The following MCC variants were observed in gnomAD, a reference collection of about 807,000 sequenced individuals.
MCC encodes the protein colorectal mutant cancer protein.
A neutral mutation model predicts 116.2 loss-of-function variants in MCC; 90 were observed. The ratio of observed to expected loss-of-function variants is 0.77; its 90% CI spans 0.65 to 0.92. The LOEUF is 0.92. MCC is among the 40% of genes least tolerant of loss of function. The pLI is 0.00. For missense variants in MCC, 1,516 were observed against 1,312.2 expected, an observed-to-expected ratio of 1.16 and a Z score of -2.40; for synonymous variants, 578 against 510.5, an observed-to-expected ratio of 1.13 and a Z score of -1.78.
intron 3 of MCC, among the ~76,000 whole-genome samples, chr5:113,197,468 C>T (rs1011589321): frequency 1.3e-5 from 2 of 152,096 alleles, no homozygotes; most frequent in African/African-American, 4.8e-5. Context: ...CTGGATTGTA[C>T]ATTTGAAGAG....
intron 2 of MCC, among the ~76,000 whole-genome samples, chr5:113,364,307 A>AC (rs1406410671): frequency 6.6e-6 from 1 of 151,246 alleles, no homozygotes; most frequent in Non-Finnish European, 1.5e-5. Context: ...CAAGTCCAAA[A>AC]CCCAGCAGGG....
At chr5:113,467,794 T>G in intron 1 of MCC, among the ~76,000 whole-genome samples, 1 of 152,250 alleles carries the variant, frequency 6.6e-6, no homozygotes, top group Non-Finnish European at 1.5e-5. Context: ...ATTTTCACGA[T>G]ATTGATTCTT....
intron 2 of MCC, among the ~76,000 whole-genome samples, chr5:113,366,244 A>G (rs1179093191): frequency 2.0e-5 from 3 of 151,640 alleles, no homozygotes; most frequent in African/African-American, 4.8e-5. Flanking sequence ...CTTTTTTTCT[A>G]GCTTAGATTT....
chr5:113,458,987 C>A (rs1771660913), intron 1 of MCC, among the ~76,000 whole-genome samples: 1 of 152,102 alleles, frequency 6.6e-6, no homozygotes, highest in Admixed American at 6.5e-5. Flanking sequence ...GACCCTCATC[C>A]TCACATCAAA....
chr5:113,441,381 TAGAGA>T (rs1183700658), intron 1 of MCC, among the ~76,000 whole-genome samples: 1 of 152,082 alleles, frequency 6.6e-6, no homozygotes, highest in African/African-American at 2.4e-5. Context: ...CTCTTTATAG[TAGAGA>T]AAAGAGAATG....
intron 5 of MCC, among the ~76,000 whole-genome samples, chr5:113,128,732 A>T (rs1022876578): frequency 1.1e-4 from 17 of 152,242 alleles, no homozygotes; most frequent in African/African-American, 3.6e-4. Context: ...CCACACAGGA[A>T]AACAGGGAGA....
At chr5:113,382,405 G>A (rs1769147085) in intron 2 of MCC, among the ~76,000 whole-genome samples, 1 of 151,816 alleles carries the variant, frequency 6.6e-6, no homozygotes, top group Non-Finnish European at 1.5e-5. Flanking sequence ...TGAGTAGCTA[G>A]GACAACAGGC....
At chr5:113,400,159 G>A (rs1032646041) in intron 1 of MCC, among the ~76,000 whole-genome samples, 18 of 96,770 alleles carry the variant, frequency 1.9e-4, no homozygotes, top group African/African-American at 7.8e-4. Context: ...GTCTTACTGT[G>A]TCGCCCAGGC....
intron 14 of MCC, among the ~76,000 whole-genome samples, chr5:113,054,172 G>T (rs77198715): frequency 6.6e-6 from 1 of 152,128 alleles, no homozygotes; most frequent in African/African-American, 2.4e-5. Context: ...ACTCCTTGAC[G>T]CAACACTGTG....
At chr5:113,267,453 G>A (rs922282960) in intron 3 of MCC, among the ~76,000 whole-genome samples, 11 of 151,982 alleles carry the variant, frequency 7.2e-5, no homozygotes, top group Non-Finnish European at 1.3e-4. Flanking sequence ...TCATCTTCAC[G>A]GTAACTCTGG....
chr5:113,391,865 G>A (rs1018838989), intron 1 of MCC, among the ~76,000 whole-genome samples: 4 of 152,172 alleles, frequency 2.6e-5, no homozygotes, highest in African/African-American at 7.2e-5. Flanking sequence ...GGAGAGGGAG[G>A]TAGGGTAGGA....
chr5:113,128,558 T>C (rs1581119809), intron 5 of MCC, among the ~76,000 whole-genome samples: 1 of 152,218 alleles, frequency 6.6e-6, no homozygotes, highest in South Asian at 2.1e-4. Context: ...TCAGATAGCA[T>C]AGAGAAGATC....
intron 2 of MCC, among the ~76,000 whole-genome samples, chr5:113,356,503 A>C (rs932868833): frequency 2.0e-5 from 3 of 151,974 alleles, no homozygotes; most frequent in Non-Finnish European, 4.4e-5. Flanking sequence ...CACTTATCTA[A>C]ATAGCACAGG....
chr5:113,444,681 T>C (rs368921076), intron 1 of MCC, among the ~76,000 whole-genome samples: 7 of 152,238 alleles, frequency 4.6e-5, no homozygotes, highest in African/African-American at 1.7e-4. Context: ...TTGCTACTGG[T>C]TCCTGGCTCT....
chr5:113,288,228 C>T (rs1160504266), intron 3 of MCC, among the ~76,000 whole-genome samples: 1 of 152,266 alleles, frequency 6.6e-6, no homozygotes, highest in South Asian at 2.1e-4. Context: ...CAAGCCTCGG[C>T]ACTCTGCAGC....
At chr5:113,289,549 C>T (rs1167548189) in intron 3 of MCC, among the ~76,000 whole-genome samples, 1 of 152,080 alleles carries the variant, frequency 6.6e-6, no homozygotes, top group Non-Finnish European at 1.5e-5. Flanking sequence ...GTGCCCGTTT[C>T]ACTTCCATAT....
chr5:113,098,517 A>C (rs1173945640), intron 8 of MCC, among the ~76,000 whole-genome samples: 1 of 152,202 alleles, frequency 6.6e-6, no homozygotes, highest in Non-Finnish European at 1.5e-5. Flanking sequence ...CCAATTCTTT[A>C]TGTGTGAGGA....
chr5:113,468,351 A>G (rs1187846250), intron 1 of MCC, among the ~76,000 whole-genome samples: 3 of 152,130 alleles, frequency 2.0e-5, no homozygotes, highest in East Asian at 1.9e-4. Context: ...TTTGAGATAC[A>G]TACCATCAAT....
At chr5:113,112,009 C>T (rs1757127587) in intron 6 of MCC, among the ~76,000 whole-genome samples, 1 of 152,164 alleles carries the variant, frequency 6.6e-6, no homozygotes, top group South Asian at 2.1e-4. Flanking sequence ...CTGTAAAAAT[C>T]CTAACTCAAA....
Sources: allele counts gnomAD v4.1 joint callset (sites outside exome capture counted in the v4.1 genomes callset), GRCh38; gene constraint gnomAD v4.1.1; transcripts MANE v1.5; gene names NCBI Gene and HGNC (gene_info 2026-07-23, HGNC 2026-07-21).